Variants in HOXD3 observed in about 807,000 individuals in gnomAD.
HOXD3 encodes homeobox protein Hox-D3.
HOXD3 carries 13 observed loss-of-function variants against 32.8 expected under a neutral mutation model. The observed-to-expected ratio is 0.40, with a 90% CI of 0.26 to 0.63. The LOEUF (loss-of-function observed/expected upper bound fraction) is 0.63. Ranked by LOEUF, HOXD3 falls within the 20% of genes least tolerant of loss-of-function variation. The pLI, the probability that HOXD3 is intolerant of heterozygous loss-of-function variation, is 0.44. For missense variants in HOXD3, 504 were observed against 577.1 expected (o/e 0.87, Z 1.30); for synonymous variants, 241 against 246.8 (o/e 0.98, Z 0.22).
intron 2 of HOXD3, chr2:176,164,970 C>A (rs1690918232): frequency 6.6e-6 from 1 of 152,224 alleles, no homozygotes; most frequent in African/African-American, 2.4e-5. Context: ...TGGTCCCCAG[C>A]GAGGCTGCGC....
Position 176,171,901 on chromosome 2 carries a change from T to G in HOXD3, c.926T>G (p.Met309Arg), listed in dbSNP as rs973218930. Reference sequence around the variant, plus strand: ...GCTTTCGCCAAATCACAGCCCAATATGTACGGCCTGGCCGCCTACACGGCG... The same window carrying G: ...GCTTTCGCCAAATCACAGCCCAATAGGTACGGCCTGGCCGCCTACACGGCG... Reference protein sequence around the residue: ...PPAFAKSQPNMYGLAAYTAPL... With the variant: ...PPAFAKSQPNRYGLAAYTAPL... Residue 309 changes from methionine to arginine, a missense_variant, in exon 4 of 4, where the codon ATG becomes AGG. Around this residue, in one of 3 missense-constraint regions of HOXD3, gnomAD observed 226 missense variants for 246.9 expected, o/e 0.92. Coordinates refer to ENST00000683222, the MANE Select transcript of HOXD3 (RefSeq NM_006898.5). The G allele has an allele frequency of 2.5e-6, 4 of 1,608,646 alleles. No individual in the cohort carries two copies. In the African/African-American group the frequency reaches 5.3e-5, roughly 22 times the overall value.
At chr2:176,156,428 C>CT, upstream of HOXD3, among the ~76,000 whole-genome samples, 1 of 152,130 alleles carries the variant, frequency 6.6e-6, no homozygotes, top group Non-Finnish European at 1.5e-5. Context: ...GGCCCCAGAC[C>CT]TTTTTGGTCT....
intron 2 of HOXD3, chr2:176,164,662 T>C (rs2105441486): frequency 6.6e-6 from 1 of 150,980 alleles, no homozygotes; most frequent in Non-Finnish European, 1.5e-5. Flanking sequence ...CTTCTGACCC[T>C]GGTTTAGGCA....
intron 1 of HOXD3, among the ~76,000 whole-genome samples, chr2:176,157,918 C>T (rs1690684057): frequency 6.6e-6 from 1 of 152,230 alleles, no homozygotes; most frequent in African/African-American, 2.4e-5. Context: ...CGGCATCTGC[C>T]GCCTATTCTT....
chr2:176,165,304 G>C (rs1166300760), intron 2 of HOXD3: 1 of 152,260 alleles, frequency 6.6e-6, no homozygotes, highest in African/African-American at 2.4e-5. Context: ...TCCCCTGGTC[G>C]CTGTGAGCGC....
chr2:176,165,349 C>G (rs1690932142), intron 2 of HOXD3: 2 of 152,216 alleles, frequency 1.3e-5, no homozygotes, highest in African/African-American at 4.8e-5. Flanking sequence ...AGGTATTGAT[C>G]TCTAGTAGCA....
At chr2:176,154,317 A>G (rs1690602359), upstream of HOXD3, among the ~76,000 whole-genome samples, 1 of 152,160 alleles carries the variant, frequency 6.6e-6, no homozygotes, top group Non-Finnish European at 1.5e-5. Flanking sequence ...TCTCCTGGGA[A>G]GGGTTCAAAG....
chr2:176,155,040 C>T (rs1262010100), upstream of HOXD3, among the ~76,000 whole-genome samples: 1 of 152,162 alleles, frequency 6.6e-6, no homozygotes, highest in South Asian at 2.1e-4. Context: ...GACCTCTAAA[C>T]CCCTAACCTT....
rs1473891398 is a variant in HOXD3 at position 176,160,421 on chromosome 2, G to A, written c.-181+2969G>A. Among the ~76,000 whole-genome samples, 2 of 152,180 alleles carry A rather than the reference G, an allele frequency of 1.3e-5. 1 individual carries two copies. The highest frequency in any genetic ancestry group is 2.9e-5 in the Non-Finnish European group (2 of 68,030). On this transcript the variant is annotated intron_variant, in intron 1 of 3. Coordinates refer to ENST00000683222, the MANE Select transcript of HOXD3 (RefSeq NM_006898.5). ...GGGCGGCCAGGCCAAGACTGAGTCG[G>A]CCCGGAGCTGCGAAAATGTGTTCTT...
intron 1 of HOXD3, among the ~76,000 whole-genome samples, chr2:176,159,728 A>G (rs986649582): frequency 4.6e-5 from 7 of 152,220 alleles, no homozygotes; most frequent in Admixed American, 3.3e-4. Flanking sequence ...TATTTCTAAA[A>G]TATAAGTTTC....
At chr2:176,168,261 C>CAA (rs34436368) in intron 2 of HOXD3, among the ~76,000 whole-genome samples, 5,197 of 103,302 alleles carry the variant, frequency 0.05, 348 homozygotes, top group African/African-American at 0.1. Context: ...CCTGTCTCTA[C>CAA]AAAAAAAAAA....
intron 3 of HOXD3, among the ~76,000 whole-genome samples, chr2:176,170,975 C>T (rs1691151941): frequency 6.6e-6 from 1 of 151,692 alleles, no homozygotes; most frequent in Non-Finnish European, 1.5e-5. Flanking sequence ...GCTTTGAGTG[C>T]AGTTGGGCTG....
In HOXD3 at chr2:176,172,594, C is replaced by A; in HGVS notation, c.*320C>A. 1 of 334,808 alleles carries A rather than the reference C, an allele frequency of 3.0e-6. No individual in the cohort carries two copies. 20.7% of individuals were successfully genotyped at this position (334,808 alleles called of 1,614,324 possible). ...GTCTGAGACCCATCAGCGGCGCGCCCTGCAGAGGGACCAGAGCTTGGAGAG... is the reference window on the plus strand; with the variant it reads ...GTCTGAGACCCATCAGCGGCGCGCCATGCAGAGGGACCAGAGCTTGGAGAG... On this transcript the variant is annotated 3_prime_UTR_variant, in exon 4 of 4. Transcript: ENST00000683222.
Position 176,169,640 on chromosome 2 carries a change from A to T in HOXD3, c.526A>T (p.Ser176Cys). ...TCGACAGAACTCCAAGCAGAAGAACAGCTGTGCCACTGCAGGTAGCTCCCT... is the reference window on the plus strand; with the variant it reads ...TCGACAGAACTCCAAGCAGAAGAACTGCTGTGCCACTGCAGGTAGCTCCCT... ...ESRQNSKQKN[S>C]CATAGESCED... The change falls in exon 3 of 4, where the codon AGC (serine) becomes TGC (cysteine). Residue 176 changes from serine to cysteine, a missense_variant. By Grantham distance (112) the Ser-to-Cys change is moderately radical. Transcript: ENST00000683222. The T allele has an allele frequency of 6.3e-7, 1 of 1,599,714 alleles. No individual in the cohort carries two copies. Among genetic ancestry groups the T allele is most frequent in the Non-Finnish European group, 8.5e-7 (1 of 1,171,186 alleles).
chr2:176,170,178 T>C (rs112235749), intron 3 of HOXD3, among the ~76,000 whole-genome samples: 172 of 152,292 alleles, frequency 1.1e-3, no homozygotes, highest in African/African-American at 3.9e-3. Context: ...ATAAGAAAAC[T>C]GTTAGAGAGG....
chr2:176,157,501 A>G (rs2105429088), intron 1 of HOXD3, among the ~76,000 whole-genome samples, 49 bp downstream of exon 1: 1 of 152,218 alleles, frequency 6.6e-6, no homozygotes, highest in Admixed American at 6.5e-5. Context: ...TCCTTAATGA[A>G]CTTAGCTGTC....
intron 1 of HOXD3, among the ~76,000 whole-genome samples, chr2:176,159,608 C>G (rs1056027550): frequency 6.6e-6 from 1 of 152,264 alleles, no homozygotes; most frequent in African/African-American, 2.4e-5. Context: ...GCGCTCATTA[C>G]AGGCCAGGAG....
intron 3 of HOXD3, 29 bp from the exon 4 acceptor site, chr2:176,171,488 G>A: frequency 6.4e-7 from 1 of 1,552,966 alleles, no homozygotes; most frequent in Non-Finnish European, 8.7e-7. Context: ...CACTCGCTCA[G>A]CGCCCTCCCT....
At chr2:176,152,801 G>GA (rs1427927263), upstream of HOXD3, 4 of 1,614,028 alleles carry the variant, frequency 2.5e-6, no homozygotes, top group East Asian at 2.2e-5. The surrounding 1 kb of genome is among the most constrained non-coding windows in gnomAD (Gnocchi z 5.2). Context: ...GGATGAAGTG[G>GA]AAAAAAGATC....
Sources: gnomAD v4.1 joint callset for allele counts (sites outside exome capture counted in the v4.1 genomes callset) on GRCh38, gnomAD v4.1.1 for gene constraint, gnomAD v4.1.1 regional missense constraint, Gnocchi (gnomAD v3.1) non-coding constraint, MANE v1.5 for transcripts, NCBI Gene and HGNC (gene_info 2026-07-23, HGNC 2026-07-21) for gene names.